SLC30A8: variants seen among roughly 807,000 people sequenced by gnomAD.
SLC30A8 encodes proton-coupled zinc antiporter SLC30A8.
Under a neutral mutation model 36.9 loss-of-function variants are expected in SLC30A8, and 27 were observed. That is an observed-to-expected ratio of 0.73 (90% CI 0.54 to 1.01). The LOEUF (loss-of-function observed/expected upper bound fraction) is 1.01, where lower values mean the gene tolerates loss of function less well. Among genes scored for constraint, SLC30A8 ranks in the 50% least tolerant of loss-of-function variants. SLC30A8 has a pLI of 0.00. For synonymous variants in SLC30A8, 164 were observed against 172.4 expected, an observed-to-expected ratio of 0.95 and a Z score of 0.38; for missense variants, 439 against 452.0, an observed-to-expected ratio of 0.97 and a Z score of 0.26.
At chr8:117,003,826 G>C (rs549901188) in intron 1 of SLC30A8, among the ~76,000 whole-genome samples, 54 of 152,300 alleles carry the variant, frequency 3.5e-4, no homozygotes, top group African/African-American at 1.2e-3. Context: ...AATTAATGCT[G>C]TTTGTCATAT....
At chr8:116,956,803 C>T (rs574620271) in intron 1 of SLC30A8, among the ~76,000 whole-genome samples, 6 of 152,104 alleles carry the variant, frequency 3.9e-5, no homozygotes, top group Admixed American at 2.0e-4. Context: ...ATCAAGGCAC[C>T]GAAGTAAAAA....
intron 1 of SLC30A8, among the ~76,000 whole-genome samples, chr8:116,970,803 A>G (rs1814768392): frequency 6.6e-6 from 1 of 152,132 alleles, no homozygotes; most frequent in Non-Finnish European, 1.5e-5. Flanking sequence ...TGATTATATT[A>G]TGAAAATAAG....
At chr8:117,032,780 C>T (rs935851582) in intron 1 of SLC30A8, among the ~76,000 whole-genome samples, 2 of 152,012 alleles carry the variant, frequency 1.3e-5, no homozygotes, top group Non-Finnish European at 2.9e-5. Context: ...ATCTCAGCTA[C>T]TCAGGAGGCT....
chr8:117,055,800 A>G (rs1343627607), intron 2 of SLC30A8: 1 of 152,226 alleles, frequency 6.6e-6, no homozygotes, highest in African/African-American at 2.4e-5. Flanking sequence ...AGGCCTGGAT[A>G]ATAAAATGAG....
chr8:117,129,839 C>A (rs1025718219), intron 2 of SLC30A8: 1 of 151,794 alleles, frequency 6.6e-6, no homozygotes, highest in Non-Finnish European at 1.5e-5. Flanking sequence ...TTGCTAAATA[C>A]AATGTTTTCA....
intron 1 of SLC30A8, among the ~76,000 whole-genome samples, chr8:117,012,278 T>C (rs1040016849): frequency 6.6e-6 from 1 of 152,202 alleles, no homozygotes; most frequent in South Asian, 2.1e-4. Context: ...GTACATTTTC[T>C]TTTGTTCAAT....
intron 1 of SLC30A8, among the ~76,000 whole-genome samples, chr8:117,003,219 A>G (rs1260929809): frequency 6.6e-6 from 1 of 152,212 alleles, no homozygotes; most frequent in African/African-American, 2.4e-5. Flanking sequence ...ATGGTCTTTA[A>G]AATTTCCCAT....
intron 2 of SLC30A8, among the ~76,000 whole-genome samples, chr8:117,074,122 G>A (rs777970149): frequency 6.6e-6 from 1 of 152,080 alleles, no homozygotes. Context: ...TGAGAAGAAG[G>A]TAATAACTAC....
chr8:117,176,347 A>AATT lies in SLC30A8; in HGVS notation c.*3668_*3670dup, dbSNP rs1446299484. 3 of 152,490 alleles carry AATT rather than the reference A, an allele frequency of 2.0e-5. No homozygotes were observed. Among genetic ancestry groups the AATT allele is most frequent in the South Asian group, 2.1e-4 (1 of 4,832 alleles). 9.4% of individuals were successfully genotyped at this position (152,490 alleles called of 1,614,324 possible). ...CAAAGAGACAAGCCTCATTTTCCACAATTAGCTCTAAAGTGCCTCCAGGAA... is the reference window on the plus strand; with the variant it reads ...CAAAGAGACAAGCCTCATTTTCCACAATTATTAGCTCTAAAGTGCCTCCAGGAA... On this transcript the variant is annotated 3_prime_UTR_variant, in exon 8 of 8. Transcript: ENST00000456015.
chr8:116,967,472 G>A (rs889254368), intron 1 of SLC30A8, among the ~76,000 whole-genome samples: 3 of 152,178 alleles, frequency 2.0e-5, no homozygotes, highest in Non-Finnish European at 2.9e-5. Flanking sequence ...GTTGACAAGA[G>A]TGTGATGCTG....
intron 2 of SLC30A8, among the ~76,000 whole-genome samples, chr8:117,085,793 G>C (rs1818855402): frequency 6.6e-6 from 1 of 152,148 alleles, no homozygotes; most frequent in Non-Finnish European, 1.5e-5. Context: ...GCTAATAAAT[G>C]GTAGACCCAA....
intron 4 of SLC30A8, among the ~76,000 whole-genome samples, chr8:117,161,096 A>G (rs947281812): frequency 2.0e-5 from 3 of 152,212 alleles, no homozygotes; most frequent in East Asian, 1.9e-4. Context: ...TTTGCAATAT[A>G]TTGTGTGTAT....
At position 117,156,134 on chromosome 8, in the gene SLC30A8, G is replaced by A. The variant is rs113887377; in HGVS notation, c.419-1557G>A. ...GGCCCATTGCAACCTCCACCTCCCC[G>A]GTTCAAGCAATTCCCCTGCCTCAAC... On this transcript the variant is annotated intron_variant, in intron 3 of 7. Coordinates refer to ENST00000456015, the MANE Select transcript of SLC30A8 (RefSeq NM_173851.3). Among the ~76,000 whole-genome samples the A allele has an allele frequency of 5.0e-3, 755 of 151,932 alleles. 7 individuals are homozygous for A. The highest frequency in any genetic ancestry group is 0.017 in the African/African-American group (725 of 41,444).
chr8:116,958,938 C>T (rs973266780), intron 1 of SLC30A8, among the ~76,000 whole-genome samples: 8 of 149,718 alleles, frequency 5.3e-5, no homozygotes, highest in Non-Finnish European at 1.2e-4. Context: ...CCACCTCCGC[C>T]TCTCGGGTTC....
intron 2 of SLC30A8, among the ~76,000 whole-genome samples, chr8:117,094,046 CT>C (rs1298975799): frequency 6.6e-6 from 1 of 152,194 alleles, no homozygotes; most frequent in Non-Finnish European, 1.5e-5. Flanking sequence ...GTGGTAGTGC[CT>C]GGAAGGTTGG....
upstream of SLC30A8, among the ~76,000 whole-genome samples, chr8:117,134,190 G>T (rs954078704): frequency 6.6e-6 from 1 of 151,814 alleles, no homozygotes; most frequent in African/African-American, 2.4e-5. Flanking sequence ...GTGACTCTGG[G>T]CCACTGGGTT....
Position 117,031,516 on chromosome 8 carries a change from A to G in SLC30A8, c.-265-7703A>G, listed in dbSNP as rs970309417. ...CTCTTGTTGCCCAGGCTGGAGTGCA[A>G]TTGGCGCCATCTCGGCTCATTGCAA... On this transcript the variant is annotated intron_variant, in intron 1 of 10. Coordinates refer to the SLC30A8 transcript ENST00000427715. Among the ~76,000 whole-genome samples, 4 of 150,086 alleles carry G rather than the reference A, an allele frequency of 2.7e-5. No homozygotes were observed. In the Admixed American group the frequency reaches 2.7e-4, roughly 10 times the overall value.
intron 1 of SLC30A8, among the ~76,000 whole-genome samples, chr8:117,015,751 T>G (rs1816497432): frequency 1.3e-5 from 2 of 152,160 alleles, no homozygotes; most frequent in Admixed American, 1.3e-4. Flanking sequence ...TAGGAAACTT[T>G]GTAGTAAGCA....
intron 1 of SLC30A8, among the ~76,000 whole-genome samples, chr8:116,967,098 A>G (rs1034055162): frequency 6.6e-6 from 1 of 152,224 alleles, no homozygotes; most frequent in African/African-American, 2.4e-5. Flanking sequence ...TATGCATTCT[A>G]TAAAGGACCA....
Sources: gnomAD v4.1 joint callset for allele counts (sites outside exome capture counted in the v4.1 genomes callset) on GRCh38, gnomAD v4.1.1 for gene constraint, MANE v1.5 for transcripts, NCBI Gene and HGNC (gene_info 2026-07-23, HGNC 2026-07-21) for gene names.